The following SHISA9 variants were observed in gnomAD, a reference collection of about 807,000 sequenced individuals.
SHISA9 encodes protein shisa-9.
A neutral mutation model predicts 38.0 loss-of-function variants in SHISA9; 13 were observed. The observed-to-expected ratio is 0.34, with a 90% CI of 0.22 to 0.54. The LOEUF is 0.54. Among genes scored for constraint, SHISA9 ranks in the 20% least tolerant of loss-of-function variants. SHISA9 has a pLI of 0.91. For missense variants in SHISA9, 538 were observed against 575.8 expected, an observed-to-expected ratio of 0.93 and a Z score of 0.67; for synonymous variants, 275 against 242.0, an observed-to-expected ratio of 1.14 and a Z score of -1.27.
At chr16:13,049,531 T>G (rs964842177) in intron 2 of SHISA9, among the ~76,000 whole-genome samples, 1 of 152,152 alleles carries the variant, frequency 6.6e-6, no homozygotes, top group African/African-American at 2.4e-5. Flanking sequence ...TTTCCCCCAC[T>G]GAATTGCTGA....
chr16:13,171,535 A>T (rs1189835836), intron 2 of SHISA9, among the ~76,000 whole-genome samples: 1 of 152,010 alleles, frequency 6.6e-6, no homozygotes, highest in African/African-American at 2.4e-5. Context: ...AGCTGACATG[A>T]AGGAAGGCAG....
chr16:13,389,630 A>T, the SHISA9 span, among the ~76,000 whole-genome samples: 12 of 152,182 alleles, frequency 7.9e-5, no homozygotes, highest in East Asian at 2.3e-3. Context: ...GGATCATAGC[A>T]TGGAATCAGC....
the SHISA9 span, among the ~76,000 whole-genome samples, chr16:13,416,127 A>G: frequency 6.6e-6 from 1 of 152,156 alleles, no homozygotes; most frequent in African/African-American, 2.4e-5. Flanking sequence ...TATATTCTAC[A>G]TGAAAAAAAA....
At chr16:12,973,599 A>G (rs1036644614) in intron 2 of SHISA9, among the ~76,000 whole-genome samples, 2 of 152,224 alleles carry the variant, frequency 1.3e-5, no homozygotes, top group African/African-American at 4.8e-5. Flanking sequence ...AAATCTGCAG[A>G]TGCTAGTGAT....
chr16:13,451,724 TAAC>T, the SHISA9 span, among the ~76,000 whole-genome samples: 1 of 152,336 alleles, frequency 6.6e-6, no homozygotes, highest in East Asian at 1.9e-4. Flanking sequence ...AGCATAATGA[TAAC>T]AGAGTAACTG....
At chr16:12,921,688 C>T (rs753550736) in intron 2 of SHISA9, among the ~76,000 whole-genome samples, 1 of 152,046 alleles carries the variant, frequency 6.6e-6, no homozygotes, top group Non-Finnish European at 1.5e-5. Flanking sequence ...GGAGACTGAA[C>T]CCAGGAGGTC....
the SHISA9 span, among the ~76,000 whole-genome samples, chr16:13,403,617 T>C: frequency 6.6e-6 from 1 of 152,116 alleles, no homozygotes; most frequent in African/African-American, 2.4e-5. Flanking sequence ...TGAATCACAG[T>C]ATTAGAGGGT....
chr16:12,990,925 T>C (rs187557943), intron 2 of SHISA9, among the ~76,000 whole-genome samples: 1 of 152,346 alleles, frequency 6.6e-6, no homozygotes, highest in East Asian at 1.9e-4. Flanking sequence ...AACTCAAAGA[T>C]TATAACTTCT....
downstream of SHISA9, among the ~76,000 whole-genome samples, chr16:13,241,218 C>G (rs552098955): frequency 2.0e-5 from 3 of 152,144 alleles, no homozygotes; most frequent in African/African-American, 7.2e-5. Flanking sequence ...TTCATGGTGT[C>G]AAGAATCCCT....
chr16:13,512,611 C>T, the SHISA9 span, among the ~76,000 whole-genome samples: 1 of 152,146 alleles, frequency 6.6e-6, no homozygotes, highest in African/African-American at 2.4e-5. Context: ...TCAAACTATA[C>T]TACAAGGCAA....
chr16:13,548,288 A>G, the SHISA9 span, among the ~76,000 whole-genome samples: 3 of 152,224 alleles, frequency 2.0e-5, no homozygotes, highest in South Asian at 2.1e-4. Flanking sequence ...ACACTTTACA[A>G]CGTTGGTCTG....
chr16:13,510,343 T>C, the SHISA9 span, among the ~76,000 whole-genome samples: 1 of 152,170 alleles, frequency 6.6e-6, no homozygotes, highest in Non-Finnish European at 1.5e-5. Context: ...CTCATTCAGA[T>C]AAGCGAAGTA....
chr16:13,306,576 G>A, the SHISA9 span, among the ~76,000 whole-genome samples: 2 of 152,168 alleles, frequency 1.3e-5, no homozygotes, highest in African/African-American at 4.8e-5. Context: ...ATATTGGTCA[G>A]GGCTGCAGTC....
intron 3 of SHISA9, among the ~76,000 whole-genome samples, chr16:13,207,503 G>A (rs2051076473): frequency 6.6e-6 from 1 of 152,070 alleles, no homozygotes; most frequent in Admixed American, 6.5e-5. Flanking sequence ...TTGTAAGGAA[G>A]CACTCTAATA....
the SHISA9 span, among the ~76,000 whole-genome samples, chr16:13,335,925 A>G: frequency 2.0e-5 from 3 of 152,216 alleles, no homozygotes; most frequent in African/African-American, 7.2e-5. Context: ...CCTTTGTTGG[A>G]TTAATATCCC....
At chr16:13,411,076 T>A in the SHISA9 span, among the ~76,000 whole-genome samples, 1 of 152,182 alleles carries the variant, frequency 6.6e-6, no homozygotes, top group Non-Finnish European at 1.5e-5. Flanking sequence ...GGGCAAGATT[T>A]GAAAGTCTAG....
chr16:13,073,864 C>G (rs927761210), intron 2 of SHISA9, among the ~76,000 whole-genome samples: 2 of 151,996 alleles, frequency 1.3e-5, no homozygotes, highest in Admixed American at 6.6e-5. Context: ...GGGACAGGTT[C>G]TCCTGCAGCG....
At chr16:13,537,603 C>G in the SHISA9 span, among the ~76,000 whole-genome samples, 1 of 152,050 alleles carries the variant, frequency 6.6e-6, no homozygotes, top group African/African-American at 2.4e-5. Context: ...GGTTACCAGG[C>G]AGTGAGGATG....
At chr16:13,232,350 AAAG>A (rs1271483699) in intron 4 of SHISA9, among the ~76,000 whole-genome samples, 5 of 151,760 alleles carry the variant, frequency 3.3e-5, no homozygotes, top group Admixed American at 1.3e-4. Context: ...ACAAATAAGA[AAAG>A]AAAGTGTCAG....
Sources: gnomAD v4.1 joint callset for allele counts (sites outside exome capture counted in the v4.1 genomes callset) on GRCh38, gnomAD v4.1.1 for gene constraint, MANE v1.5 for transcripts, NCBI Gene and HGNC (gene_info 2026-07-23, HGNC 2026-07-21) for gene names.